The following CAMK2A variants were observed in gnomAD, a reference collection of about 807,000 sequenced individuals.
CAMK2A encodes calcium/calmodulin-dependent protein kinase type II subunit alpha.
A neutral mutation model predicts 79.2 loss-of-function variants in CAMK2A; 7 were observed. That is an observed-to-expected ratio of 0.09 (90% CI 0.05 to 0.17). The LOEUF (loss-of-function observed/expected upper bound fraction) is 0.17, where lower values mean the gene tolerates loss of function less well. Among genes scored for constraint, CAMK2A ranks in the 10% least tolerant of loss-of-function variants. The pLI is 1.00. For synonymous variants in CAMK2A, 242 were observed against 251.7 expected, an observed-to-expected ratio of 0.96 and a Z score of 0.36; for missense variants, 214 against 646.4, an observed-to-expected ratio of 0.33 and a Z score of 7.25.
Position 150,275,113 on chromosome 5 carries a change from C to G in CAMK2A, c.63-1954G>C, listed in dbSNP as rs574003761. ...GAGGAGGAAGGAGCCAGGATACGGACTAGAGACCAAGAAATATAACCTTGT... is the reference window on the plus strand; with the variant it reads ...GAGGAGGAAGGAGCCAGGATACGGAGTAGAGACCAAGAAATATAACCTTGT... On this transcript the variant is annotated intron_variant, in intron 1 of 18. Transcript: ENST00000671881. Among the ~76,000 whole-genome samples the G allele has an allele frequency of 1.3e-4, 20 of 152,340 alleles. No homozygotes were observed. In the South Asian group the frequency reaches 3.7e-3, roughly 28 times the overall value.
chr5:150,262,150 G>A (rs1053499114), intron 3 of CAMK2A, among the ~76,000 whole-genome samples: 2 of 152,180 alleles, frequency 1.3e-5, no homozygotes, highest in African/African-American at 4.8e-5. Flanking sequence ...CCTGTGCTGA[G>A]CCTCACTGAC....
At chr5:150,239,833 G>A in intron 13 of CAMK2A, 97 bp from the exon 14 acceptor site, 4 of 1,014,716 alleles carry the variant, frequency 3.9e-6, no homozygotes, top group Middle Eastern at 2.1e-4. Context: ...AGGAGGATGG[G>A]CCTCGGGGTC....
In CAMK2A at chr5:150,256,543, G is replaced by A. The variant is rs1756066199; in HGVS notation, c.411+30C>T. 3 of 1,556,856 alleles carry A rather than the reference G, an allele frequency of 1.9e-6. No homozygotes were observed. The East Asian group carries it at 6.7e-5, about 35-fold the overall frequency. On this transcript the variant is annotated intron_variant, in intron 6 of 18. Coordinates refer to ENST00000671881, the MANE Select transcript of CAMK2A (RefSeq NM_015981.4). This position sits in a 1 kb window ranked among gnomAD's most constrained non-coding sequence, Gnocchi z 4.6. ...GTGCAGAGGAGAGAGGGGCTCCCGGGGTGAGCCACACCCACGGTGGGTTGC... is the reference window on the plus strand; with the variant it reads ...GTGCAGAGGAGAGAGGGGCTCCCGGAGTGAGCCACACCCACGGTGGGTTGC...
At chr5:150,283,789 C>T (rs1361685096) in intron 1 of CAMK2A, among the ~76,000 whole-genome samples, 1 of 152,196 alleles carries the variant, frequency 6.6e-6, no homozygotes, top group Non-Finnish European at 1.5e-5. Flanking sequence ...GTGGTGCATG[C>T]TGGGCTCAAC....
At chr5:150,261,459 C>A (rs142555179) in intron 3 of CAMK2A, among the ~76,000 whole-genome samples, 18 of 152,198 alleles carry the variant, frequency 1.2e-4, no homozygotes, top group Non-Finnish European at 2.4e-4. Context: ...GAGTGACTGA[C>A]GTGTCCGTGC....
rs1580887761 is a variant in CAMK2A at position 150,220,472 on chromosome 5, A to G, written c.*2238T>C. The G allele has an allele frequency of 1.3e-5, 2 of 152,380 alleles. No homozygotes were observed. Among genetic ancestry groups the G allele is most frequent in the East Asian group, 1.9e-4 (1 of 5,322 alleles). 9.4% of individuals were successfully genotyped at this position (152,380 alleles called of 1,614,324 possible). A position where few individuals can be genotyped will look rare whatever the true frequency, so the allele number is the denominator to read the frequency against. On this transcript the variant is annotated 3_prime_UTR_variant, in exon 19 of 19. Transcript: ENST00000671881. ...CACATAGCCAGACGTTTGCTCCTTC[A>G]TCGGCTGGATGGGAACAAAGAACCC...
intron 3 of CAMK2A, among the ~76,000 whole-genome samples, chr5:150,263,122 T>C (rs1756362774): frequency 6.6e-6 from 1 of 152,180 alleles, no homozygotes; most frequent in Admixed American, 6.5e-5. Flanking sequence ...ATCATTTCCA[T>C]TTTGCAGAGA....
chr5:150,278,958 C>T (rs989586938), intron 1 of CAMK2A, among the ~76,000 whole-genome samples: 8 of 152,072 alleles, frequency 5.3e-5, no homozygotes, highest in South Asian at 2.1e-4. Context: ...CAGGCAGACA[C>T]CGGAGGAACC....
chr5:150,232,114 G>A (rs1470895109), intron 15 of CAMK2A, among the ~76,000 whole-genome samples: 3 of 152,172 alleles, frequency 2.0e-5, no homozygotes, highest in Non-Finnish European at 4.4e-5. Context: ...TGTAAAATGA[G>A]GACACCACCA....
At chr5:150,224,481 T>C (rs1203862008) in intron 17 of CAMK2A, among the ~76,000 whole-genome samples, 3 of 152,084 alleles carry the variant, frequency 2.0e-5, no homozygotes, top group Non-Finnish European at 4.4e-5. Flanking sequence ...ATGTAAAATG[T>C]CTTTTTTTTT....
At chr5:150,253,106 A>C (rs2150281720) in intron 7 of CAMK2A, among the ~76,000 whole-genome samples, 1 of 152,302 alleles carries the variant, frequency 6.6e-6, no homozygotes, top group Non-Finnish European at 1.5e-5. Context: ...AAGCACCTAG[A>C]CTATTAGGGC....
chr5:150,251,305 C>A (rs1755822763), intron 9 of CAMK2A, among the ~76,000 whole-genome samples: 1 of 152,206 alleles, frequency 6.6e-6, no homozygotes, highest in African/African-American at 2.4e-5. Flanking sequence ...CAAATCCCAC[C>A]TCTACCATTT....
chr5:150,251,076 C>T (rs948499568), intron 9 of CAMK2A, among the ~76,000 whole-genome samples: 1 of 152,238 alleles, frequency 6.6e-6, no homozygotes, highest in Non-Finnish European at 1.5e-5. Context: ...GTGGCTTTAG[C>T]CCAGACTTCA....
intron 2 of CAMK2A, 63 bp from the exon 3 acceptor site, chr5:150,265,078 C>T (rs1756454598): frequency 3.2e-6 from 4 of 1,250,578 alleles, no homozygotes; most frequent in Admixed American, 3.4e-5. Flanking sequence ...CCATCTCCCC[C>T]TTCTCAAAGC....
chr5:150,222,851 GCCCCCTTCTT>G, intron 18 of CAMK2A, 128 bp downstream of exon 18: 1 of 1,383,690 alleles, frequency 7.2e-7, no homozygotes, highest in Non-Finnish European at 1.0e-6. Flanking sequence ...TGCAGGCCTG[GCCCCCTTCTT>G]GGGGTCTCCC....
At chr5:150,233,008 A>C (rs1039482927) in intron 15 of CAMK2A, among the ~76,000 whole-genome samples, 1 of 152,196 alleles carries the variant, frequency 6.6e-6, no homozygotes, top group Non-Finnish European at 1.5e-5. Flanking sequence ...GTCTGTCCTA[A>C]CACTAACCTC....
chr5:150,286,006 T>C (rs1374124089), intron 1 of CAMK2A, among the ~76,000 whole-genome samples: 1 of 152,200 alleles, frequency 6.6e-6, no homozygotes, highest in African/African-American at 2.4e-5. Context: ...ACCAGCATTC[T>C]TCCCTTTCTC....
At chr5:150,272,779 GGC>G (rs745941821) in intron 2 of CAMK2A, among the ~76,000 whole-genome samples, 3 of 151,926 alleles carry the variant, frequency 2.0e-5, no homozygotes, top group Non-Finnish European at 2.9e-5. Context: ...GATGGCAAGT[GGC>G]AAGAGAGTAG....
intron 13 of CAMK2A, among the ~76,000 whole-genome samples, chr5:150,242,351 G>C (rs959509317): frequency 3.3e-5 from 5 of 152,196 alleles, no homozygotes; most frequent in Admixed American, 2.0e-4. Flanking sequence ...AGGTTAGCAA[G>C]GATGATAGAA....
Sources: allele counts gnomAD v4.1 joint callset (sites outside exome capture counted in the v4.1 genomes callset), GRCh38; gene constraint gnomAD v4.1.1; non-coding constraint Gnocchi (gnomAD v3.1); transcripts MANE v1.5; gene names NCBI Gene and HGNC (gene_info 2026-07-23, HGNC 2026-07-21).